MCOLN3: variants seen among roughly 807,000 people sequenced by gnomAD.
The protein encoded by MCOLN3 is mucolipin TRP cation channel 3.
MCOLN3 carries 62 observed loss-of-function variants against 69.4 expected under a neutral mutation model. The observed-to-expected ratio is 0.89, with a 90% CI of 0.73 to 1.10. MCOLN3 has a LOEUF of 1.10. Among genes scored for constraint, MCOLN3 ranks in the 50% least tolerant of loss-of-function variants. The pLI is 0.00. For missense variants in MCOLN3, 564 were observed against 656.4 expected (o/e 0.86, Z 1.54); for synonymous variants, 183 against 217.0 (o/e 0.84, Z 1.38).
At chr1:85,019,416 C>T (rs1651814814) in intron 12 of MCOLN3, among the ~76,000 whole-genome samples, 159 bp from the exon 13 acceptor site, 1 of 152,180 alleles carries the variant, frequency 6.6e-6, no homozygotes, top group Non-Finnish European at 1.5e-5. Context: ...TCTAGAGTCA[C>T]TCAGGTTTGG....
chr1:85,036,292 A>G (rs1218437503), intron 3 of MCOLN3, among the ~76,000 whole-genome samples: 1 of 152,076 alleles, frequency 6.6e-6, no homozygotes, highest in African/African-American at 2.4e-5. Flanking sequence ...CCTGGGTTCA[A>G]GCAATTCTCC....
At chr1:85,028,273 C>T (rs987856447) in intron 7 of MCOLN3, among the ~76,000 whole-genome samples, 1 of 152,278 alleles carries the variant, frequency 6.6e-6, no homozygotes, top group South Asian at 2.1e-4. Context: ...CTTGGCAAAT[C>T]AATTAGTAAG....
chr1:85,043,797 G>A (rs1182480381), intron 2 of MCOLN3, among the ~76,000 whole-genome samples: 2 of 151,538 alleles, frequency 1.3e-5, no homozygotes, highest in South Asian at 2.1e-4. Context: ...TAGAGAGAAT[G>A]CCTGCCTTCA....
chr1:85,041,944 CCTCT>C (rs150967896), intron 2 of MCOLN3, among the ~76,000 whole-genome samples: 5 of 145,246 alleles, frequency 3.4e-5, no homozygotes, highest in South Asian at 4.5e-4. Context: ...CTCATCCAAA[CCTCT>C]CTCTCTCTCT....
At chr1:85,020,816 CTAA>C (rs1277201986) in intron 12 of MCOLN3, among the ~76,000 whole-genome samples, 7 of 152,204 alleles carry the variant, frequency 4.6e-5, no homozygotes, top group Non-Finnish European at 8.8e-5. Context: ...CCCCAGACTT[CTAA>C]TGACCCTTAT....
At chr1:85,040,675 T>C (rs1442209261) in intron 3 of MCOLN3, among the ~76,000 whole-genome samples, 1 of 152,138 alleles carries the variant, frequency 6.6e-6, no homozygotes, top group East Asian at 1.9e-4. Context: ...AAGTATACTT[T>C]CAGCTCTGAG....
intron 6 of MCOLN3, among the ~76,000 whole-genome samples, chr1:85,031,087 A>G (rs1652491268): frequency 6.6e-6 from 1 of 152,096 alleles, no homozygotes; most frequent in Admixed American, 6.5e-5. Context: ...CCTGGCCAAC[A>G]TGGTGAAACC....
In MCOLN3 at chr1:85,019,058, T is replaced by TATCC; in HGVS notation, c.*61_*64dup. 1 of 1,491,920 alleles carries TATCC rather than the reference T, an allele frequency of 6.7e-7. No homozygotes were observed. Among genetic ancestry groups the TATCC allele is most frequent in the Non-Finnish European group, 9.2e-7 (1 of 1,086,012 alleles). 92.4% of individuals were successfully genotyped at this position (1,491,920 alleles called of 1,614,324 possible). A position where few individuals can be genotyped will look rare whatever the true frequency, so the allele number is the denominator to read the frequency against. Reference sequence around the variant, plus strand: ...AAACATACTACATCTGATCTCAGAATATCCACAGTGTTCCAACTCAGCTAC... The same window carrying TATCC: ...AAACATACTACATCTGATCTCAGAATATCCATCCACAGTGTTCCAACTCAGCTAC... On this transcript the variant is annotated 3_prime_UTR_variant, in exon 13 of 13. Transcript: ENST00000370589.
chr1:85,026,054 T>A lies in MCOLN3; in HGVS notation c.980A>T (p.Lys327Met). Residue 327 changes from lysine (K) to methionine (M), a missense_variant, in exon 9 of 13, where the codon AAG becomes ATG. Transcript: ENST00000370589. ...CATTTGATCAGAAACAGAAACTTCC[T>A]TCTTATAATGGAGGAGGAAAAAATT... The part of the protein sequence containing the change: ...FVNFFLLHYK[K>M]EVSVSDQMEF... 1 of 1,601,958 alleles carries A rather than the reference T, an allele frequency of 6.2e-7. No homozygotes were observed. Among genetic ancestry groups the A allele is most frequent in the Non-Finnish European group, 8.5e-7 (1 of 1,174,114 alleles).
intron 1 of MCOLN3, among the ~76,000 whole-genome samples, chr1:85,048,142 C>A (rs1210896612): frequency 6.6e-6 from 1 of 152,130 alleles, no homozygotes; most frequent in African/African-American, 2.4e-5. Context: ...AGCACCCCCA[C>A]CCGCCCAGCC....
Position 85,019,178 on chromosome 1 carries a change from T to C in MCOLN3, c.1607A>G (p.Lys536Arg), listed in dbSNP as rs1419113332. Reference protein sequence around the residue: ...SECKDLPNSGKYRLEDDPPVS... With the variant: ...SECKDLPNSGRYRLEDDPPVS... Reference sequence around the variant, plus strand: ...TGGAGGGTCATCTTCTAATCTGTATTTTCCAGAGTTGGGTAGATCTTTGCA... The same window carrying C: ...TGGAGGGTCATCTTCTAATCTGTATCTTCCAGAGTTGGGTAGATCTTTGCA... The change falls in exon 13 of 13, where the codon AAA becomes AGA. Residue 536 changes from lysine (K) to arginine (R), a missense_variant. Coordinates refer to ENST00000370589, the MANE Select transcript of MCOLN3 (RefSeq NM_018298.11). The C allele has an allele frequency of 1.2e-6, 2 of 1,613,732 alleles. No homozygotes were observed.
intron 6 of MCOLN3, among the ~76,000 whole-genome samples, chr1:85,031,469 C>G (rs1652517183): frequency 6.6e-6 from 1 of 152,102 alleles, no homozygotes; most frequent in Non-Finnish European, 1.5e-5. Context: ...CATCATTACA[C>G]ACTGAATGCT....
At chr1:85,026,827 G>T (rs1368423730) in intron 7 of MCOLN3, among the ~76,000 whole-genome samples, 4 of 147,864 alleles carry the variant, frequency 2.7e-5, no homozygotes, top group Non-Finnish European at 4.5e-5. Context: ...GTAGTCTTTT[G>T]TTCTTAATAC....
intron 2 of MCOLN3, among the ~76,000 whole-genome samples, chr1:85,042,744 C>G (rs1018683546): frequency 6.6e-6 from 1 of 152,192 alleles, no homozygotes; most frequent in East Asian, 1.9e-4. Flanking sequence ...GGGTGTCTAT[C>G]ATTGTAAACA....
rs900563329 is a variant in MCOLN3, at chr1:85,029,210, G to A, written c.733-5C>T. Reference sequence around the variant, plus strand: ...GGCCTTGTTGTCAAATGTTATCTGTGAAGACAGGAAAACAGTCAAAAACAT... The same window carrying A: ...GGCCTTGTTGTCAAATGTTATCTGTAAAGACAGGAAAACAGTCAAAAACAT... On this transcript the variant is annotated splice_region_variant and splice_polypyrimidine_tract_variant and intron_variant, in intron 6 of 12. Transcript: ENST00000370589. 1 of 1,543,662 alleles carries A rather than the reference G, an allele frequency of 6.5e-7. No homozygotes were observed. The highest frequency in any genetic ancestry group is 1.1e-5 in the South Asian group (1 of 89,396).
chr1:85,022,487 G>T, intron 9 of MCOLN3, 87 bp from the exon 10 acceptor site: 1 of 841,356 alleles, frequency 1.2e-6, no homozygotes, highest in Non-Finnish European at 1.9e-6. Context: ...GTAAGGCACT[G>T]TTTTAGGTGC....
rs1652374416 is a variant in MCOLN3 at position 85,029,133 on chromosome 1, A to G, written c.805T>C (p.Cys269Arg). The G allele has an allele frequency of 6.2e-7, 1 of 1,601,654 alleles. No individual in the cohort carries two copies. Among genetic ancestry groups the G allele is most frequent in the Non-Finnish European group, 8.6e-7 (1 of 1,168,772 alleles). ...SLDNDISIRE[C>R]KDWHVSGSIQ... Reference sequence around the variant, plus strand: ...GATCCAGATACATGCCAGTCTTTACATTCTCTGATGGAAATGTCATTATCT... The same window carrying G: ...GATCCAGATACATGCCAGTCTTTACGTTCTCTGATGGAAATGTCATTATCT... Residue 269 changes from cysteine (C) to arginine (R), a missense_variant, in exon 7 of 13, where the codon TGT becomes CGT. Coordinates refer to ENST00000370589, the MANE Select transcript of MCOLN3 (RefSeq NM_018298.11).
At chr1:85,020,817 T>A (rs1651891231) in intron 12 of MCOLN3, among the ~76,000 whole-genome samples, 1 of 152,236 alleles carries the variant, frequency 6.6e-6, no homozygotes, top group South Asian at 2.1e-4. Context: ...CCCAGACTTC[T>A]AATGACCCTT....
chr1:85,047,329 C>T (rs989850241), intron 1 of MCOLN3: 5 of 152,232 alleles, frequency 3.3e-5, no homozygotes, highest in African/African-American at 1.2e-4. Context: ...GTCAGGTTTA[C>T]CCAGTCTGAA....
Sources: allele counts gnomAD v4.1 joint callset (sites outside exome capture counted in the v4.1 genomes callset), GRCh38; gene constraint gnomAD v4.1.1; transcripts MANE v1.5; gene names NCBI Gene and HGNC (gene_info 2026-07-23, HGNC 2026-07-21).